The following SLIT3 variants were observed in gnomAD, a reference collection of about 807,000 sequenced individuals.
The protein encoded by SLIT3 is slit homolog 3 protein.
SLIT3 carries 68 observed loss-of-function variants against 184.0 expected under a neutral mutation model. The observed-to-expected ratio is 0.37, with a 90% CI of 0.30 to 0.45. The LOEUF is 0.45. Among genes scored for constraint, SLIT3 ranks in the 20% least tolerant of loss-of-function variants. The pLI, the probability that SLIT3 is intolerant of heterozygous loss-of-function variation, is 1.00. For synonymous variants in SLIT3, 831 were observed against 828.6 expected, an observed-to-expected ratio of 1.00 and a Z score of -0.05; for missense variants, 1,707 against 2,026.0, an observed-to-expected ratio of 0.84 and a Z score of 3.02.
chr5:168,990,804 G>T (rs1196037384), intron 4 of SLIT3, among the ~76,000 whole-genome samples: 2 of 152,184 alleles, frequency 1.3e-5, no homozygotes, highest in African/African-American at 2.4e-5. Context: ...GCAAGAACAC[G>T]CTCCAGGGAG....
intron 4 of SLIT3, among the ~76,000 whole-genome samples, chr5:168,977,437 C>T (rs1448888045): frequency 1.3e-5 from 2 of 152,192 alleles, no homozygotes; most frequent in African/African-American, 4.8e-5. Context: ...CTCCTATTAC[C>T]TTTTGAGGAA....
At chr5:168,987,810 C>T (rs529811055) in intron 4 of SLIT3, among the ~76,000 whole-genome samples, 37 of 152,316 alleles carry the variant, frequency 2.4e-4, no homozygotes, top group African/African-American at 8.7e-4. Context: ...CGGGAAAGAA[C>T]GAAATGATTT....
At chr5:169,119,645 A>G (rs975100716) in intron 4 of SLIT3, among the ~76,000 whole-genome samples, 6 of 152,200 alleles carry the variant, frequency 3.9e-5, no homozygotes, top group Non-Finnish European at 8.8e-5. Context: ...GTGAACAGTC[A>G]GAAAAGACTC....
chr5:169,210,341 T>C (rs10057695), intron 3 of SLIT3, among the ~76,000 whole-genome samples: 47,429 of 152,142 alleles, frequency 0.31, 8,361 homozygotes, highest in East Asian at 0.69. Context: ...TTGCATTATA[T>C]TTTTTATGTT....
chr5:169,072,739 A>G (rs765418795), intron 4 of SLIT3, among the ~76,000 whole-genome samples: 1 of 152,210 alleles, frequency 6.6e-6, no homozygotes, highest in Non-Finnish European at 1.5e-5. Context: ...GATCTTCTGC[A>G]CGGCTGGAGG....
At chr5:168,766,314 G>C (rs1190202513) in intron 14 of SLIT3, among the ~76,000 whole-genome samples, 5 of 152,236 alleles carry the variant, frequency 3.3e-5, no homozygotes, top group Non-Finnish European at 7.3e-5. Flanking sequence ...AGAGGAATTG[G>C]GGGGAGCGTA....
intron 6 of SLIT3, among the ~76,000 whole-genome samples, chr5:168,824,204 G>A (rs1757628511): frequency 6.6e-6 from 1 of 152,174 alleles, no homozygotes; most frequent in Non-Finnish European, 1.5e-5. Context: ...CTCCCAAAGT[G>A]CTGGGATTAC....
chr5:168,958,462 G>T (rs770693280), intron 4 of SLIT3, among the ~76,000 whole-genome samples: 1 of 152,206 alleles, frequency 6.6e-6, no homozygotes, highest in African/African-American at 2.4e-5. Flanking sequence ...ACAGAAACCT[G>T]TGAAAGATGT....
chr5:169,160,422 G>C (rs570955970), intron 4 of SLIT3, among the ~76,000 whole-genome samples: 107 of 152,292 alleles, frequency 7.0e-4, no homozygotes, highest in African/African-American at 2.5e-3. Context: ...TAAGAAAAAA[G>C]AGACGTGTCC....
At chr5:168,708,956 G>A (rs4868519) in intron 25 of SLIT3, among the ~76,000 whole-genome samples, 5 of 152,100 alleles carry the variant, frequency 3.3e-5, no homozygotes, top group African/African-American at 1.2e-4. Flanking sequence ...CACATTAGAA[G>A]AGGAAGACTA....
intron 4 of SLIT3, among the ~76,000 whole-genome samples, chr5:168,893,504 G>A (rs528815246): frequency 2.6e-4 from 40 of 152,280 alleles, no homozygotes; most frequent in Admixed American, 9.1e-4. Context: ...GGCAGGGGGA[G>A]GAGAGGGGGA....
In SLIT3 at chr5:168,685,794, C is replaced by T. The variant is rs763102550; in HGVS notation, c.3448G>A (p.Ala1150Thr). ...ATGAGCTTCTCGCATCTGGGGCCGGCGAAGCCTGGTGGGCAGCGGCAGGTG... is the reference window on the plus strand; with the variant it reads ...ATGAGCTTCTCGCATCTGGGGCCGGTGAAGCCTGGTGGGCAGCGGCAGGTG... ...EPTCRCPPGF[A>T]GPRCEKLITV... Residue 1150 changes from alanine (A) to threonine (T), a missense_variant, in exon 31 of 36, where the codon GCC (alanine) becomes ACC (threonine). Ala to Thr is a moderately conservative substitution (Grantham distance 58). This residue lies in a region of SLIT3 where 13 missense variants were observed against 36.4 expected (regional missense o/e 0.36). Coordinates refer to ENST00000519560, the MANE Select transcript of SLIT3 (RefSeq NM_003062.4). 1.2e-5 allele frequency: 19 copies of T among 1,613,550 alleles called. No homozygotes were observed. The highest frequency in any genetic ancestry group is 2.2e-5 in the East Asian group (1 of 44,864).
chr5:169,275,894 G>T (rs1295028687), intron 1 of SLIT3, among the ~76,000 whole-genome samples: 10 of 152,132 alleles, frequency 6.6e-5, no homozygotes, highest in Non-Finnish European at 1.5e-4. Context: ...GTGGGCTAGG[G>T]TCAGGATGGT....
At chr5:168,781,825 G>T (rs1231220984) in intron 12 of SLIT3, among the ~76,000 whole-genome samples, 1 of 152,080 alleles carries the variant, frequency 6.6e-6, no homozygotes, top group Non-Finnish European at 1.5e-5. Flanking sequence ...TGTGGTTAAG[G>T]GCATGGACTA....
chr5:169,232,066 A>C lies in SLIT3; in HGVS notation c.341+12639T>G, dbSNP rs375680932. Among the ~76,000 whole-genome samples, 8 of 152,238 alleles carry C rather than the reference A, an allele frequency of 5.3e-5. No individual in the cohort carries two copies. In the East Asian group the frequency reaches 9.6e-4, roughly 18 times the overall value. On this transcript the variant is annotated intron_variant, in intron 3 of 35. Transcript: ENST00000519560. ...TCAATTCTAAAATAAGTCCTTTGTC[A>C]GTTATATGCACTGCCAATATCTTCA...
chr5:168,758,793 G>C (rs920291176), intron 16 of SLIT3, among the ~76,000 whole-genome samples: 5 of 152,114 alleles, frequency 3.3e-5, no homozygotes, highest in African/African-American at 1.2e-4. Context: ...CTGATGGGTG[G>C]GAGCATGGGT....
intron 4 of SLIT3, among the ~76,000 whole-genome samples, chr5:169,081,009 G>C (rs922817913): frequency 2.0e-5 from 3 of 152,194 alleles, no homozygotes; most frequent in Admixed American, 1.3e-4. Context: ...AATGCACAGA[G>C]AGCACTGTGG....
At chr5:169,115,088 GC>G (rs1419305639) in intron 4 of SLIT3, among the ~76,000 whole-genome samples, 1 of 152,162 alleles carries the variant, frequency 6.6e-6, no homozygotes, top group African/African-American at 2.4e-5. Context: ...CTGCCTGGGG[GC>G]AAACAGGTGA....
At chr5:169,044,587 T>TGGGGGGGGGGAAGGG in intron 4 of SLIT3, among the ~76,000 whole-genome samples, 1 of 70,640 alleles carries the variant, frequency 1.4e-5, no homozygotes, top group Non-Finnish European at 3.6e-5. Context: ...TGGAGGAAGG[T>TGGGGGGGGGGAAGGG]GGGGGGGGGG....
Sources: gnomAD v4.1 joint callset for allele counts (sites outside exome capture counted in the v4.1 genomes callset) on GRCh38, gnomAD v4.1.1 for gene constraint, gnomAD v4.1.1 regional missense constraint, MANE v1.5 for transcripts, NCBI Gene and HGNC (gene_info 2026-07-23, HGNC 2026-07-21) for gene names.